The following DACH1 variants were observed in gnomAD, a reference collection of about 807,000 sequenced individuals.
The protein encoded by DACH1 is dachshund homolog 1.
DACH1 carries 12 observed loss-of-function variants against 54.2 expected under a neutral mutation model. That is an observed-to-expected ratio of 0.22 (90% confidence interval 0.14 to 0.36). The LOEUF (loss-of-function observed/expected upper bound fraction) is 0.36. DACH1 is among the 10% of genes least tolerant of loss of function. The pLI is 1.00. For synonymous variants in DACH1, 386 were observed against 366.2 expected, an observed-to-expected ratio of 1.05 and a Z score of -0.62; for missense variants, 805 against 929.8, an observed-to-expected ratio of 0.87 and a Z score of 1.75.
intron 10 of DACH1, among the ~76,000 whole-genome samples, chr13:71,461,810 T>C (rs1278911363): frequency 1.3e-5 from 2 of 151,984 alleles, no homozygotes; most frequent in Non-Finnish European, 2.9e-5. Context: ...CCTAAAACTA[T>C]ATTAACCAGT....
intron 3 of DACH1, among the ~76,000 whole-genome samples, chr13:71,624,572 T>C (rs1394069892): frequency 6.6e-6 from 1 of 151,902 alleles, no homozygotes; most frequent in African/African-American, 2.4e-5. Flanking sequence ...TTAAAAATCA[T>C]TGTTAGGCAG....
intron 1 of DACH1, among the ~76,000 whole-genome samples, chr13:71,863,579 G>T (rs1364099283): frequency 6.6e-6 from 1 of 152,098 alleles, no homozygotes; most frequent in Non-Finnish European, 1.5e-5. Flanking sequence ...TCTTGGCTCT[G>T]CAAGTTTAAA....
At chr13:71,800,878 T>TAA (rs5804584) in intron 1 of DACH1, among the ~76,000 whole-genome samples, 20 of 151,356 alleles carry the variant, frequency 1.3e-4, no homozygotes, top group Middle Eastern at 3.2e-3. Flanking sequence ...TCTGCAACAA[T>TAA]AAAAAAAATA....
intron 1 of DACH1, among the ~76,000 whole-genome samples, chr13:71,719,272 AC>A (rs1400115491): frequency 6.6e-6 from 1 of 152,204 alleles, no homozygotes; most frequent in Admixed American, 6.5e-5. Flanking sequence ...TTTGTAGGCC[AC>A]CTTTGAAAGG....
chr13:71,838,619 A>G (rs1888889841), intron 1 of DACH1, among the ~76,000 whole-genome samples: 1 of 152,182 alleles, frequency 6.6e-6, no homozygotes, highest in Non-Finnish European at 1.5e-5. Flanking sequence ...GGTGTGAGAG[A>G]GTTGAGTTAA....
intron 3 of DACH1, among the ~76,000 whole-genome samples, chr13:71,593,509 G>A (rs1278326383): frequency 6.6e-6 from 1 of 151,974 alleles, no homozygotes; most frequent in Non-Finnish European, 1.5e-5. Flanking sequence ...ACTCCCAGTG[G>A]CATTTTTATT....
At chr13:71,459,877 T>C (rs1318819550) in intron 10 of DACH1, among the ~76,000 whole-genome samples, 1 of 152,090 alleles carries the variant, frequency 6.6e-6, no homozygotes, top group African/African-American at 2.4e-5. Context: ...AGATTTGTAA[T>C]GCATCATAAA....
chr13:71,556,975 T>C (rs1884293192), intron 6 of DACH1, 49 bp downstream of exon 6: 1 of 1,522,044 alleles, frequency 6.6e-7, no homozygotes, highest in Admixed American at 2.1e-5. Context: ...AATCTAGTTC[T>C]AAAATCTATT....
intron 6 of DACH1, among the ~76,000 whole-genome samples, chr13:71,516,762 T>G (rs1881189656): frequency 6.6e-6 from 1 of 151,834 alleles, no homozygotes; most frequent in Non-Finnish European, 1.5e-5. Context: ...GGTGTTACAT[T>G]AATTAGTTTA....
At chr13:71,519,655 T>C (rs1022745640) in intron 6 of DACH1, among the ~76,000 whole-genome samples, 21 of 151,318 alleles carry the variant, frequency 1.4e-4, no homozygotes, top group African/African-American at 5.1e-4. Context: ...GCTCTCCTGT[T>C]TACAGTAATT....
At chr13:71,847,856 T>G (rs1706301436) in intron 1 of DACH1, among the ~76,000 whole-genome samples, 1 of 152,202 alleles carries the variant, frequency 6.6e-6, no homozygotes, top group South Asian at 2.1e-4. Flanking sequence ...ATAGGTAATA[T>G]TATATTGATG....
chr13:71,672,238 A>T (rs531602569), intron 2 of DACH1, among the ~76,000 whole-genome samples: 1 of 152,312 alleles, frequency 6.6e-6, no homozygotes, highest in African/African-American at 2.4e-5. Context: ...TTACAGAGCC[A>T]AATGAAATTC....
intron 1 of DACH1, among the ~76,000 whole-genome samples, chr13:71,772,575 T>C (rs1885903413): frequency 6.6e-6 from 1 of 151,786 alleles, no homozygotes; most frequent in Non-Finnish European, 1.5e-5. Flanking sequence ...ATTTTAATCA[T>C]TACTTACTGC....
At chr13:71,813,624 C>T (rs979476966) in intron 1 of DACH1, among the ~76,000 whole-genome samples, 1 of 152,000 alleles carries the variant, frequency 6.6e-6, no homozygotes, top group African/African-American at 2.4e-5. Flanking sequence ...AAGAACAAAC[C>T]TATAATATGA....
At chr13:71,785,990 T>C (rs1293212124) in intron 1 of DACH1, among the ~76,000 whole-genome samples, 1 of 152,022 alleles carries the variant, frequency 6.6e-6, no homozygotes. Context: ...GGGGCAGGCA[T>C]TGGTGGACAA....
intron 3 of DACH1, among the ~76,000 whole-genome samples, chr13:71,602,674 A>G (rs532828024): frequency 4.6e-5 from 7 of 152,136 alleles, no homozygotes; most frequent in African/African-American, 1.7e-4. Flanking sequence ...GTCAAAAACA[A>G]TATCTAATCA....
chr13:71,728,780 G>A (rs1765153015), intron 1 of DACH1, among the ~76,000 whole-genome samples: 2 of 151,934 alleles, frequency 1.3e-5, no homozygotes, highest in Admixed American at 6.6e-5. Context: ...CTACATTTCA[G>A]TTTTCTCAGC....
intron 2 of DACH1, among the ~76,000 whole-genome samples, chr13:71,679,265 T>G (rs1880755417): frequency 6.6e-6 from 1 of 152,178 alleles, no homozygotes; most frequent in African/African-American, 2.4e-5. Flanking sequence ...AAAAAATAAT[T>G]TAATATTTTG....
chr13:71,583,866 G>T (rs1873033253), intron 3 of DACH1, among the ~76,000 whole-genome samples: 1 of 151,834 alleles, frequency 6.6e-6, no homozygotes, highest in Non-Finnish European at 1.5e-5. Flanking sequence ...TCATCCAGGG[G>T]GCCTTTAATT....
Sources: allele counts gnomAD v4.1 joint callset (sites outside exome capture counted in the v4.1 genomes callset), GRCh38; gene constraint gnomAD v4.1.1; transcripts MANE v1.5; gene names NCBI Gene and HGNC (gene_info 2026-07-23, HGNC 2026-07-21).